The following MAP2K4 variants were observed in gnomAD, a reference collection of about 807,000 sequenced individuals.
The protein encoded by MAP2K4 is mitogen-activated protein kinase kinase 4.
MAP2K4 carries 4 observed loss-of-function variants against 48.5 expected under a neutral mutation model. The ratio of observed to expected loss-of-function variants is 0.08; its 90% CI spans 0.04 to 0.19. MAP2K4 has a LOEUF of 0.19. MAP2K4 is among the 10% of genes least tolerant of loss of function. MAP2K4 has a pLI of 1.00. For missense variants in MAP2K4, 258 were observed against 493.3 expected, an observed-to-expected ratio of 0.52 and a Z score of 4.52; for synonymous variants, 166 against 173.1, an observed-to-expected ratio of 0.96 and a Z score of 0.32.
chr17:12,033,356 A>G (rs1364220329), intron 1 of MAP2K4, among the ~76,000 whole-genome samples: 1 of 152,234 alleles, frequency 6.6e-6, no homozygotes, highest in Non-Finnish European at 1.5e-5. Flanking sequence ...TTAACCTGGA[A>G]AAAACATTTC....
intron 9 of MAP2K4, among the ~76,000 whole-genome samples, chr17:12,132,318 A>C (rs920192956): frequency 6.6e-6 from 1 of 152,208 alleles, no homozygotes; most frequent in African/African-American, 2.4e-5. Context: ...TTTATAACCT[A>C]CAATTAGAAA....
chr17:12,043,418 G>A (rs149159714), intron 1 of MAP2K4, among the ~76,000 whole-genome samples: 2 of 152,140 alleles, frequency 1.3e-5, no homozygotes, highest in African/African-American at 4.8e-5. Context: ...CTATTTACCT[G>A]GAGTTAGCAT....
chr17:12,131,914 G>A (rs1973038881), intron 9 of MAP2K4, among the ~76,000 whole-genome samples: 1 of 152,060 alleles, frequency 6.6e-6, no homozygotes, highest in Non-Finnish European at 1.5e-5. Context: ...ACCAAAAATA[G>A]CAAAATACTT....
intron 7 of MAP2K4, among the ~76,000 whole-genome samples, chr17:12,114,476 G>T (rs1164899454): frequency 6.6e-6 from 1 of 151,680 alleles, no homozygotes; most frequent in African/African-American, 2.4e-5. Context: ...ATGTTGACTG[G>T]CTGGGCAGAT....
At chr17:12,137,578 A>C (rs544949145) in intron 9 of MAP2K4, among the ~76,000 whole-genome samples, 55 of 152,286 alleles carry the variant, frequency 3.6e-4, no homozygotes, top group African/African-American at 1.2e-3. Flanking sequence ...CCAGCATGGC[A>C]CAGATTATAT....
At chr17:12,099,594 A>G (rs959733448) in intron 4 of MAP2K4, among the ~76,000 whole-genome samples, 1 of 152,186 alleles carries the variant, frequency 6.6e-6, no homozygotes, top group African/African-American at 2.4e-5. Context: ...GATGGAACCA[A>G]CCTCAAAAAG....
intron 1 of MAP2K4, among the ~76,000 whole-genome samples, chr17:12,040,394 A>T (rs1439987378): frequency 6.6e-6 from 1 of 152,214 alleles, no homozygotes; most frequent in African/African-American, 2.4e-5. Flanking sequence ...CACACATATG[A>T]TATACAAACA....
chr17:12,079,704 G>T (rs1358316293), intron 2 of MAP2K4, among the ~76,000 whole-genome samples: 1 of 152,158 alleles, frequency 6.6e-6, no homozygotes, highest in Non-Finnish European at 1.5e-5. Context: ...TTGCCATTGA[G>T]ATAGTATTTA....
intron 2 of MAP2K4, among the ~76,000 whole-genome samples, chr17:12,067,894 T>TA (rs534027718): frequency 1.3e-5 from 2 of 152,208 alleles, no homozygotes; most frequent in South Asian, 4.1e-4. Context: ...TGTATAAAAT[T>TA]ATAATCACCT....
At chr17:12,121,400 C>T (rs756925683) in intron 7 of MAP2K4, among the ~76,000 whole-genome samples, 1 of 151,718 alleles carries the variant, frequency 6.6e-6, no homozygotes, top group Non-Finnish European at 1.5e-5. Context: ...TCAGATTTCC[C>T]ATATGTCAAA....
chr17:12,110,276 A>G, intron 5 of MAP2K4, 99 bp from the exon 6 acceptor site: 1 of 779,054 alleles, frequency 1.3e-6, no homozygotes. Context: ...CTTAAAATGT[A>G]TGCAGAGGAC....
At chr17:12,023,452 A>G (rs1306071635) in intron 1 of MAP2K4, among the ~76,000 whole-genome samples, 1 of 152,156 alleles carries the variant, frequency 6.6e-6, no homozygotes, top group African/African-American at 2.4e-5. Context: ...GGGCCTTAGA[A>G]GATGTTTGAT....
chr17:12,130,973 C>G (rs1002878848), intron 9 of MAP2K4, among the ~76,000 whole-genome samples: 11 of 151,772 alleles, frequency 7.2e-5, no homozygotes, highest in African/African-American at 2.7e-4. Context: ...TGATATTGAC[C>G]CTAAGGAGGC....
intron 3 of MAP2K4, among the ~76,000 whole-genome samples, chr17:12,092,913 C>G (rs948890025): frequency 6.6e-6 from 1 of 152,084 alleles, no homozygotes; most frequent in Non-Finnish European, 1.5e-5. Flanking sequence ...GTAGTCCCAG[C>G]TACTCGGGAG....
intron 9 of MAP2K4, among the ~76,000 whole-genome samples, chr17:12,136,623 C>A (rs1334211930): frequency 6.6e-6 from 1 of 151,940 alleles, no homozygotes; most frequent in Non-Finnish European, 1.5e-5. Context: ...CTAAGGGGAG[C>A]TAATATAATT....
At chr17:12,128,304 C>T (rs1282961807) in intron 8 of MAP2K4, among the ~76,000 whole-genome samples, 1 of 152,212 alleles carries the variant, frequency 6.6e-6, no homozygotes, top group Non-Finnish European at 1.5e-5. Context: ...GTGTCCATCT[C>T]CTGACCTCCT....
chr17:12,054,299 C>T (rs1006628695), intron 1 of MAP2K4, among the ~76,000 whole-genome samples: 2 of 152,066 alleles, frequency 1.3e-5, no homozygotes, highest in South Asian at 2.1e-4. Context: ...GCATTTTCTG[C>T]CCTTCTACCA....
chr17:12,100,454 C>T (rs1305862490), intron 4 of MAP2K4, among the ~76,000 whole-genome samples: 1 of 152,054 alleles, frequency 6.6e-6, no homozygotes, highest in Non-Finnish European at 1.5e-5. Flanking sequence ...CAGTTTGTTA[C>T]TCATTTACCT....
intron 1 of MAP2K4, among the ~76,000 whole-genome samples, chr17:12,025,515 T>G (rs1432118501): frequency 6.6e-6 from 1 of 152,192 alleles, no homozygotes; most frequent in Non-Finnish European, 1.5e-5. Flanking sequence ...AATCTATAAT[T>G]GATTCAGAAA....
Sources: gnomAD v4.1 joint callset for allele counts (sites outside exome capture counted in the v4.1 genomes callset) on GRCh38, gnomAD v4.1.1 for gene constraint, MANE v1.5 for transcripts, NCBI Gene and HGNC (gene_info 2026-07-23, HGNC 2026-07-21) for gene names.